CEP128: variants seen among roughly 807,000 people sequenced by gnomAD.
CEP128 encodes the protein centrosomal protein 128kDa.
CEP128 carries 132 observed loss-of-function variants against 156.7 expected under a neutral mutation model. The observed-to-expected ratio is 0.84, with a 90% CI of 0.73 to 0.97. The LOEUF (loss-of-function observed/expected upper bound fraction) is 0.97, where lower values mean the gene tolerates loss of function less well. CEP128 is among the 50% of genes least tolerant of loss of function. The pLI, the probability that CEP128 is intolerant of heterozygous loss-of-function variation, is 0.00. For missense variants in CEP128, 1,252 were observed against 1,281.9 expected, an observed-to-expected ratio of 0.98 and a Z score of 0.36; for synonymous variants, 469 against 448.9, an observed-to-expected ratio of 1.04 and a Z score of -0.57.
intron 23 of CEP128, among the ~76,000 whole-genome samples, chr14:80,508,404 A>G (rs1281242583): frequency 6.6e-6 from 1 of 152,148 alleles, no homozygotes; most frequent in East Asian, 1.9e-4. Flanking sequence ...CTTACTTATA[A>G]ATATCTATTT....
intron 19 of CEP128, among the ~76,000 whole-genome samples, chr14:80,644,865 AAG>A (rs1894570542): frequency 6.6e-6 from 1 of 152,188 alleles, no homozygotes. Context: ...TTTAATGAAA[AAG>A]AACATATTCA....
At chr14:80,895,538 T>C (rs966891613) in intron 8 of CEP128, among the ~76,000 whole-genome samples, 180 bp downstream of exon 8, 2 of 152,050 alleles carry the variant, frequency 1.3e-5, no homozygotes, top group Non-Finnish European at 2.9e-5. Flanking sequence ...AATATAAATA[T>C]ACCAAATATA....
At position 80,511,122 on chromosome 14, in the gene CEP128, T is replaced by C. The variant is rs559845861; in HGVS notation, c.3073-6102A>G. On this transcript the variant is annotated intron_variant, in intron 23 of 24. Transcript: ENST00000555265. ...TGGTATCAGGGTAATACTGGCCTCA[T>C]AGAATGAGTTTGGGAGTATTCCCTC... Among the ~76,000 whole-genome samples the C allele has an allele frequency of 4.6e-5, 7 of 151,718 alleles. No homozygotes were observed. The East Asian group carries it at 7.8e-4, about 17-fold the overall frequency.
At chr14:80,876,080 A>G (rs1236662462) in intron 8 of CEP128, among the ~76,000 whole-genome samples, 1 of 152,160 alleles carries the variant, frequency 6.6e-6, no homozygotes, top group Non-Finnish European at 1.5e-5. Flanking sequence ...GGATGAAGTC[A>G]AAAGTTCAAG....
intron 14 of CEP128, among the ~76,000 whole-genome samples, chr14:80,485,248 C>T (rs181373554): frequency 6.6e-6 from 1 of 152,070 alleles, no homozygotes; most frequent in African/African-American, 2.4e-5. Flanking sequence ...AAAAACAAAA[C>T]AAGAAGAATC....
intron 19 of CEP128, among the ~76,000 whole-genome samples, chr14:80,671,316 AG>A (rs1474840347): frequency 1.3e-5 from 2 of 152,204 alleles, no homozygotes; most frequent in Non-Finnish European, 2.9e-5. Context: ...ACAGGGAATA[AG>A]GCTGACAGGT....
rs778437163 is a variant in CEP128, at chr14:80,743,244, C to T, written c.2637G>A (p.Glu879=). Residue 879 remains glutamate (E), a synonymous_variant, in exon 19 of 25, where the codon GAG becomes GAA. Transcript: ENST00000555265. ...ESKTKLQWLC[E]ELKERENREK... is the part of the protein sequence containing the mutation. ...CTCTGTTTTCTCTCTCTTTCAGTTCCTCACAGAGCCACTGAAGTTTAGTCT... is the reference window on the plus strand; with the variant it reads ...CTCTGTTTTCTCTCTCTTTCAGTTCTTCACAGAGCCACTGAAGTTTAGTCT... 2.5e-6 allele frequency: 4 copies of T among 1,612,624 alleles called. No homozygotes were observed. In the Admixed American group the frequency reaches 5.0e-5, roughly 20 times the overall value.
At chr14:80,665,308 A>G (rs1477012172) in intron 19 of CEP128, among the ~76,000 whole-genome samples, 2 of 151,942 alleles carry the variant, frequency 1.3e-5, no homozygotes, top group Non-Finnish European at 2.9e-5. Flanking sequence ...CCCCTAGGCT[A>G]AAGCAAAACA....
intron 9 of CEP128, among the ~76,000 whole-genome samples, chr14:80,862,324 G>A (rs940409823): frequency 6.6e-5 from 10 of 152,154 alleles, no homozygotes; most frequent in Admixed American, 2.6e-4. Context: ...AATAGACAAT[G>A]GGCCAGCTTT....
rs146333087 is a variant in CEP128 at position 80,643,602 on chromosome 14, C to T, written c.2807-63179G>A. 5.0e-3 allele frequency among the ~76,000 whole-genome samples: 767 copies of T among 152,082 alleles called. 14 individuals are homozygous for T. The highest frequency in any genetic ancestry group is 0.017 in the African/African-American group (722 of 41,456). On this transcript the variant is annotated intron_variant, in intron 19 of 24. Transcript: ENST00000555265. ...GCGAGCACCTGTAATCCCAGCTACT[C>T]GGGAGGCTCAGGCCGGAGAATCACT...
intron 11 of CEP128, 141 bp from the exon 12 acceptor site, chr14:80,836,478 T>G: frequency 1.2e-6 from 1 of 811,218 alleles, no homozygotes; most frequent in Non-Finnish European, 2.0e-6. Context: ...CATTTCCTCA[T>G]TCCTCTCATC....
rs34001813 is a variant in CEP128 at position 80,597,950 on chromosome 14, CAAAAAAAAA to C, written c.2807-17536_2807-17528del. On this transcript the variant is annotated intron_variant, in intron 19 of 24. Coordinates refer to ENST00000555265, the MANE Select transcript of CEP128 (RefSeq NM_152446.5). ...GAACTAGAAGGGAATTCCTCAGCTA[CAAAAAAAAA>C]AAAAAAAAAAACAAAACCCTATGGC... Among the ~76,000 whole-genome samples the C allele has an allele frequency of 6.4e-3, 516 of 80,154 alleles. 3 individuals carry two copies. Among genetic ancestry groups the C allele is most frequent in the Non-Finnish European group, 9.6e-3 (399 of 41,774 alleles). 52.6% of individuals were successfully genotyped at this position (80,154 alleles called of 152,430 possible).
chr14:80,516,235 C>G (rs746877458), intron 23 of CEP128, among the ~76,000 whole-genome samples: 3 of 152,110 alleles, frequency 2.0e-5, no homozygotes, highest in Admixed American at 6.6e-5. Flanking sequence ...TCTCTTCTGA[C>G]CCAGGATCCA....
At chr14:80,900,704 A>C (rs1004125790) in intron 6 of CEP128, among the ~76,000 whole-genome samples, 3 of 152,248 alleles carry the variant, frequency 2.0e-5, no homozygotes, top group Non-Finnish European at 4.4e-5. Context: ...ACAATCATAG[A>C]TACCTACGCA....
downstream of CEP128, among the ~76,000 whole-genome samples, chr14:80,485,591 A>G (rs1887144633): frequency 6.6e-6 from 1 of 151,688 alleles, no homozygotes; most frequent in African/African-American, 2.4e-5. Flanking sequence ...CAAGTAAAGA[A>G]ATTATACTGA....
chr14:80,905,774 T>A, intron 5 of CEP128, 181 bp downstream of exon 5: 4 of 511,928 alleles, frequency 7.8e-6, no homozygotes, highest in Admixed American at 4.1e-5. Context: ...AAAAACAATA[T>A]AACAACAAAG....
intron 13 of CEP128, chr14:80,822,853 C>T (rs911147010): frequency 1.5e-6 from 1 of 682,808 alleles, no homozygotes; most frequent in African/African-American, 1.8e-5. Flanking sequence ...GTTTGAAATA[C>T]TATTTTTTAT....
chr14:80,914,775 T>C (rs1357612562), intron 3 of CEP128, among the ~76,000 whole-genome samples: 1 of 152,200 alleles, frequency 6.6e-6, no homozygotes, highest in Non-Finnish European at 1.5e-5. Context: ...TCTAGTAGAC[T>C]GTGTACAAGA....
At chr14:80,500,595 G>T (rs1887688683) in intron 24 of CEP128, among the ~76,000 whole-genome samples, 1 of 152,132 alleles carries the variant, frequency 6.6e-6, no homozygotes, top group South Asian at 2.1e-4. Flanking sequence ...ATACCAAAGG[G>T]TTACATAGAA....
Sources: gnomAD v4.1 joint callset for allele counts (sites outside exome capture counted in the v4.1 genomes callset) on GRCh38, gnomAD v4.1.1 for gene constraint, MANE v1.5 for transcripts, NCBI Gene and HGNC (gene_info 2026-07-23, HGNC 2026-07-21) for gene names.